FHIT: variants seen among roughly 807,000 people sequenced by gnomAD.
The protein encoded by FHIT is fragile histidine triad diadenosine triphosphatase.
Under a neutral mutation model 17.9 loss-of-function variants are expected in FHIT, and 19 were observed. That is an observed-to-expected ratio of 1.06 (90% CI 0.74 to 1.56). The LOEUF is 1.56. Ranked by LOEUF, FHIT falls within the 40% of genes most tolerant of loss-of-function variation. The probability of loss-of-function intolerance (pLI) is 0.00; values close to 1 mark genes in which losing one functional copy is unlikely to be tolerated. For missense variants in FHIT, 248 were observed against 189.2 expected (o/e 1.31, Z -1.82); for synonymous variants, 81 against 69.7 (o/e 1.16, Z -0.81).
At chr3:60,170,545 C>A (rs1221581769) in intron 5 of FHIT, among the ~76,000 whole-genome samples, 1 of 152,108 alleles carries the variant, frequency 6.6e-6, no homozygotes, top group Non-Finnish European at 1.5e-5. Context: ...GACCCCAGCA[C>A]TTAGGACAAG....
At chr3:60,044,690 T>G (rs537853875) in intron 5 of FHIT, among the ~76,000 whole-genome samples, 1 of 152,106 alleles carries the variant, frequency 6.6e-6, no homozygotes, top group African/African-American at 2.4e-5. Context: ...ATGATGAAAA[T>G]GAGACTCAAA....
At position 59,914,279 on chromosome 3, in the gene FHIT, G is replaced by A. The variant is rs375958819; in HGVS notation, c.348+8067C>T. 3.9e-5 allele frequency among the ~76,000 whole-genome samples: 6 copies of A among 151,976 alleles called. No individual in the cohort carries two copies. In the South Asian group the frequency reaches 1.2e-3, roughly 32 times the overall value. On this transcript the variant is annotated intron_variant, in intron 8 of 9. Transcript: ENST00000492590. Reference sequence around the variant, plus strand: ...CGCATCTCAATTCAGACTGGTCACAGGTGGCTAGCTGCTACCAAATTGAAC... The same window carrying A: ...CGCATCTCAATTCAGACTGGTCACAAGTGGCTAGCTGCTACCAAATTGAAC...
At chr3:61,014,808 A>AAAAAT (rs1156410696) in intron 3 of FHIT, among the ~76,000 whole-genome samples, 638 of 26,934 alleles carry the variant, frequency 0.024, 87 homozygotes, top group African/African-American at 0.048. Context: ...AAAAAAAAAA[A>AAAAAT]TATATATATA....
At chr3:60,008,177 T>C (rs1699997164) in intron 7 of FHIT, among the ~76,000 whole-genome samples, 1 of 151,482 alleles carries the variant, frequency 6.6e-6, no homozygotes, top group Non-Finnish European at 1.5e-5. Context: ...GGACAGAGAG[T>C]AGGGGCTTTA....
intron 3 of FHIT, among the ~76,000 whole-genome samples, chr3:61,017,078 G>A (rs1348328852): frequency 1.3e-5 from 2 of 152,192 alleles, no homozygotes; most frequent in African/African-American, 2.4e-5. Flanking sequence ...CCTGAGGTCA[G>A]GAGTTCAAGA....
chr3:60,882,019 T>C (rs1423466319), intron 3 of FHIT, among the ~76,000 whole-genome samples: 1 of 151,602 alleles, frequency 6.6e-6, no homozygotes, highest in Non-Finnish European at 1.5e-5. Flanking sequence ...AAGAAAAATG[T>C]CCCAAATAAA....
intron 3 of FHIT, among the ~76,000 whole-genome samples, chr3:60,924,303 C>T (rs1176731344): frequency 1.3e-5 from 2 of 152,144 alleles, no homozygotes; most frequent in Non-Finnish European, 2.9e-5. Flanking sequence ...CTGGCAGGCA[C>T]CCCCCAGTAG....
At chr3:59,837,659 C>T (rs1040983316) in intron 8 of FHIT, among the ~76,000 whole-genome samples, 1 of 152,144 alleles carries the variant, frequency 6.6e-6, no homozygotes, top group Admixed American at 6.5e-5. Context: ...GGGCAAAGGT[C>T]TTCTCTGCCC....
At chr3:60,639,933 C>G (rs2039684312) in intron 4 of FHIT, among the ~76,000 whole-genome samples, 1 of 152,124 alleles carries the variant, frequency 6.6e-6, no homozygotes, top group South Asian at 2.1e-4. Context: ...GTCGAATAAC[C>G]ATACAATGGA....
intron 5 of FHIT, among the ~76,000 whole-genome samples, chr3:60,173,915 A>ATATATATATATTTTTTTTTTTTTTTT: frequency 1.5e-5 from 1 of 66,444 alleles, no homozygotes. Flanking sequence ...ATATATATAT[A>ATATATATATATTTTTTTTTTTTTTTT]TGTTTTTTTT....
intron 4 of FHIT, among the ~76,000 whole-genome samples, chr3:60,624,119 G>A (rs2039213774): frequency 6.6e-6 from 1 of 152,198 alleles, no homozygotes; most frequent in Non-Finnish European, 1.5e-5. Context: ...AAAAGTTAAT[G>A]AGGAGAGCAT....
At chr3:60,503,025 C>T (rs9985430) in intron 5 of FHIT, among the ~76,000 whole-genome samples, 66,617 of 151,940 alleles carry the variant, frequency 0.44, 14,807 homozygotes, top group African/African-American at 0.49. Context: ...AACAAAACAA[C>T]GAAACTACAT....
intron 5 of FHIT, among the ~76,000 whole-genome samples, chr3:60,250,191 G>C (rs1705623411): frequency 6.6e-6 from 1 of 152,120 alleles, no homozygotes; most frequent in South Asian, 2.1e-4. Context: ...ACTAGATAAA[G>C]TCGCACCTAC....
intron 5 of FHIT, among the ~76,000 whole-genome samples, chr3:60,481,579 T>C (rs2033611553): frequency 6.6e-6 from 1 of 152,076 alleles, no homozygotes; most frequent in Non-Finnish European, 1.5e-5. Context: ...CAAACTAAAC[T>C]TCATAAGCAT....
intron 2 of FHIT, among the ~76,000 whole-genome samples, chr3:61,112,401 T>A (rs1362233054): frequency 3.3e-5 from 5 of 152,110 alleles, no homozygotes; most frequent in African/African-American, 7.2e-5. Context: ...TTCTGGTGTG[T>A]CCCAGCTGTA....
intron 3 of FHIT, among the ~76,000 whole-genome samples, chr3:60,873,049 A>AC (rs1162079992): frequency 2.0e-5 from 3 of 152,054 alleles, no homozygotes; most frequent in Admixed American, 6.6e-5. Flanking sequence ...AATGATGAAA[A>AC]AACTTGTAGG....
chr3:60,813,062 A>C (rs1159436138), intron 4 of FHIT, among the ~76,000 whole-genome samples: 1 of 152,032 alleles, frequency 6.6e-6, no homozygotes, highest in Non-Finnish European at 1.5e-5. Flanking sequence ...GACCACTGAG[A>C]GATGATTAGG....
At chr3:60,988,830 T>A (rs937739533) in intron 3 of FHIT, among the ~76,000 whole-genome samples, 5 of 150,548 alleles carry the variant, frequency 3.3e-5, no homozygotes, top group Non-Finnish European at 7.4e-5. Context: ...GAACTGAGTA[T>A]ATGGAAGACA....
chr3:60,709,533 G>C (rs2041462581), intron 4 of FHIT, among the ~76,000 whole-genome samples: 1 of 152,096 alleles, frequency 6.6e-6, no homozygotes, highest in Admixed American at 6.5e-5. Context: ...AAAAATCCAT[G>C]GTCTGTGTAG....
Sources: allele counts gnomAD v4.1 joint callset (sites outside exome capture counted in the v4.1 genomes callset), GRCh38; gene constraint gnomAD v4.1.1; transcripts MANE v1.5; gene names NCBI Gene and HGNC (gene_info 2026-07-23, HGNC 2026-07-21).